The following GPR158 variants were observed in gnomAD, a reference collection of about 807,000 sequenced individuals.
GPR158 encodes metabotropic glycine receptor.
GPR158 carries 30 observed loss-of-function variants against 78.2 expected under a neutral mutation model. The observed-to-expected ratio is 0.38, with a 90% CI of 0.29 to 0.52. The LOEUF (loss-of-function observed/expected upper bound fraction) is 0.52, where lower values mean the gene tolerates loss of function less well. GPR158 is among the 20% of genes least tolerant of loss of function. The probability of loss-of-function intolerance (pLI) is 0.83; values close to 1 mark genes in which losing one functional copy is unlikely to be tolerated. For synonymous variants in GPR158, 581 were observed against 591.1 expected (o/e 0.98, Z 0.25); for missense variants, 1,463 against 1,523.5 (o/e 0.96, Z 0.66).
intron 2 of GPR158, among the ~76,000 whole-genome samples, chr10:25,333,127 A>G (rs1282396766): frequency 6.6e-6 from 1 of 152,108 alleles, no homozygotes; most frequent in Non-Finnish European, 1.5e-5. Context: ...TCAGTTGATT[A>G]TTTTTTAACT....
intron 2 of GPR158, among the ~76,000 whole-genome samples, chr10:25,265,058 A>C (rs1032842282): frequency 3.9e-5 from 6 of 152,328 alleles, no homozygotes; most frequent in African/African-American, 1.4e-4. Context: ...TTTTGTGGAC[A>C]GAATTTTTTT....
At chr10:25,431,092 A>C (rs1034301074) in intron 4 of GPR158, among the ~76,000 whole-genome samples, 2 of 140,980 alleles carry the variant, frequency 1.4e-5, no homozygotes, top group Non-Finnish European at 3.1e-5. Flanking sequence ...TAAATGGGAG[A>C]AAATTTTCGC....
At chr10:25,441,982 C>T (rs1835074472) in intron 4 of GPR158, among the ~76,000 whole-genome samples, 2 of 152,090 alleles carry the variant, frequency 1.3e-5, no homozygotes, top group Non-Finnish European at 2.9e-5. Flanking sequence ...TCAGGATTCT[C>T]CCAGTGAAAT....
chr10:25,362,815 ATTAG>A (rs1184712920), intron 2 of GPR158, among the ~76,000 whole-genome samples: 1 of 151,934 alleles, frequency 6.6e-6, no homozygotes, highest in South Asian at 2.1e-4. Flanking sequence ...GAATTCATTT[ATTAG>A]TTCTAACAGA....
In GPR158 at chr10:25,175,988, G is replaced by A; in HGVS notation, c.568G>A (p.Val190Ile). 1 of 1,613,284 alleles carries A rather than the reference G, an allele frequency of 6.2e-7. No individual in the cohort carries two copies. The highest frequency in any genetic ancestry group is 2.2e-5 in the East Asian group (1 of 44,832). The stretch of plus-strand genomic sequence containing the variant: ...TTCGCTGTCCGCACCGGCCCCACAG[G>A]TCTTCCTCCAGGCCACGCGCGAGGA... ...TDSLSAPAPQVFLQATREESR... is the reference protein window; with the variant it reads ...TDSLSAPAPQIFLQATREESR... The change falls in exon 1 of 11, where the codon GTC becomes ATC. Residue 190 changes from valine (V) to isoleucine (I), a missense_variant. Physicochemically the swap from Val to Ile is conservative, Grantham distance 29. Transcript: ENST00000376351. This position sits in a 1 kb window ranked among gnomAD's most constrained non-coding sequence, Gnocchi z 6.4.
chr10:25,195,980 C>A (rs144546901), intron 1 of GPR158, among the ~76,000 whole-genome samples: 93 of 152,006 alleles, frequency 6.1e-4, no homozygotes, highest in African/African-American at 2.1e-3. Flanking sequence ...CTTATGGAAA[C>A]TTTTAATATC....
At chr10:25,261,092 G>T (rs1052359465) in intron 2 of GPR158, among the ~76,000 whole-genome samples, 2 of 151,930 alleles carry the variant, frequency 1.3e-5, no homozygotes, top group Admixed American at 6.6e-5. Context: ...AAAACCATCT[G>T]GGAAGCTTTT....
At chr10:25,496,398 A>C (rs1428582568) in intron 5 of GPR158, among the ~76,000 whole-genome samples, 2 of 152,236 alleles carry the variant, frequency 1.3e-5, no homozygotes, top group Non-Finnish European at 2.9e-5. Context: ...GCTTTACGCC[A>C]GGCATTTAAC....
chr10:25,277,206 C>A (rs1488450114), intron 2 of GPR158, among the ~76,000 whole-genome samples: 1 of 152,140 alleles, frequency 6.6e-6, no homozygotes, highest in African/African-American at 2.4e-5. Flanking sequence ...CCACCTCAGC[C>A]TTTCCAAGTA....
chr10:25,252,293 T>C (rs965116257), intron 2 of GPR158, among the ~76,000 whole-genome samples: 1 of 151,770 alleles, frequency 6.6e-6, no homozygotes, highest in Admixed American at 6.6e-5. Flanking sequence ...TTTGATCGTC[T>C]GAAGCCTTCT....
chr10:25,245,400 A>G (rs1853675578), intron 2 of GPR158, among the ~76,000 whole-genome samples: 1 of 152,230 alleles, frequency 6.6e-6, no homozygotes, highest in Admixed American at 6.5e-5. Flanking sequence ...TAGAGGGTTC[A>G]GAGAAGAGGA....
At chr10:25,556,818 C>G (rs1836792426) in intron 6 of GPR158, among the ~76,000 whole-genome samples, 1 of 152,210 alleles carries the variant, frequency 6.6e-6, no homozygotes, top group Non-Finnish European at 1.5e-5. Context: ...AGAAAATTAA[C>G]ATGCTCCAGA....
intron 6 of GPR158, among the ~76,000 whole-genome samples, chr10:25,551,431 C>T (rs1836723452): frequency 6.6e-6 from 1 of 152,104 alleles, no homozygotes; most frequent in African/African-American, 2.4e-5. Flanking sequence ...CCAGAGTGAC[C>T]ATAGAATCCC....
chr10:25,311,544 A>T (rs962481467), intron 2 of GPR158, among the ~76,000 whole-genome samples: 7 of 151,938 alleles, frequency 4.6e-5, no homozygotes, highest in Non-Finnish European at 1.0e-4. Flanking sequence ...TGACTTCATT[A>T]CTTTAATTTG....
intron 1 of GPR158, among the ~76,000 whole-genome samples, chr10:25,215,571 A>G (rs1853199754): frequency 6.6e-6 from 1 of 152,206 alleles, no homozygotes; most frequent in Non-Finnish European, 1.5e-5. Flanking sequence ...ACAGTGGCTC[A>G]TGCCTGCAAT....
At chr10:25,277,235 T>C (rs1244525693) in intron 2 of GPR158, among the ~76,000 whole-genome samples, 1 of 152,122 alleles carries the variant, frequency 6.6e-6, no homozygotes, top group East Asian at 1.9e-4. Flanking sequence ...CACAGGCGTG[T>C]TCCACAGTGC....
chr10:25,208,850 CTTTTT>C (rs569632042), intron 1 of GPR158, among the ~76,000 whole-genome samples: 3 of 135,080 alleles, frequency 2.2e-5, no homozygotes. Context: ...TTCTTTCCTT[CTTTTT>C]TTTTTTTTTT....
intron 2 of GPR158, among the ~76,000 whole-genome samples, chr10:25,384,080 C>G (rs1032411132): frequency 6.6e-6 from 1 of 152,044 alleles, no homozygotes; most frequent in African/African-American, 2.4e-5. Flanking sequence ...ATCTTATTTA[C>G]CCTTACTTTA....
At position 25,597,896 on chromosome 10, in the gene GPR158, G is replaced by T. The variant is rs557143314; in HGVS notation, c.2270G>T (p.Arg757Leu). Residue 757 changes from arginine (R) to leucine (L), a missense_variant, in exon 11 of 11, where the codon CGC (arginine) becomes CTC (leucine). Transcript: ENST00000376351. ...GGCCTAGGTCGTTCCATCATGAGAC[G>T]CATTACGGAGATCCCAGAGACAGTC... The part of the protein sequence containing the change: ...KKGLGRSIMR[R>L]ITEIPETVSR... The T allele has an allele frequency of 1.2e-6, 2 of 1,609,058 alleles. No homozygotes were observed. Among genetic ancestry groups the T allele is most frequent in the African/African-American group, 1.3e-5 (1 of 74,526 alleles).
Sources: allele counts gnomAD v4.1 joint callset (sites outside exome capture counted in the v4.1 genomes callset), GRCh38; gene constraint gnomAD v4.1.1; non-coding constraint Gnocchi (gnomAD v3.1); transcripts MANE v1.5; gene names NCBI Gene and HGNC (gene_info 2026-07-23, HGNC 2026-07-21).